Variants in MYO16 observed in about 807,000 individuals in gnomAD.
MYO16 encodes the protein myosin XVI, also known as unconventional myosin-XVI.
MYO16 carries 94 observed loss-of-function variants against 205.3 expected under a neutral mutation model. The observed-to-expected ratio is 0.46, with a 90% CI of 0.39 to 0.54. MYO16 has a LOEUF of 0.54. MYO16 is among the 20% of genes least tolerant of loss of function. The pLI, the probability that MYO16 is intolerant of heterozygous loss-of-function variation, is 0.00. For missense variants in MYO16, 2,315 were observed against 2,387.5 expected (o/e 0.97, Z 0.63); for synonymous variants, 988 against 954.0 (o/e 1.04, Z -0.66).
At chr13:108,625,804 C>G (rs1000727326), upstream of MYO16, among the ~76,000 whole-genome samples, 1 of 152,156 alleles carries the variant, frequency 6.6e-6, no homozygotes, top group Non-Finnish European at 1.5e-5. Flanking sequence ...TAATACGTAC[C>G]TTTCCCAAAT....
Position 108,900,498 on chromosome 13 carries a change from T to C in MYO16, c.1777+2365T>C, listed in dbSNP as rs548596879. 1.5e-3 allele frequency among the ~76,000 whole-genome samples: 228 copies of C among 152,320 alleles called. 1 individual carries two copies. The highest frequency in any genetic ancestry group is 5.3e-3 in the African/African-American group (219 of 41,562). ...ATAAATTGTGAAGATTTCATGGACA[T>C]TTATTAGTTCCCCAAATTAATACTT... On this transcript the variant is annotated intron_variant, in intron 15 of 34. Coordinates refer to ENST00000457511, the MANE Select transcript of MYO16 (RefSeq NM_001198950.3).
chr13:108,679,301 C>T (rs1194325393), intron 2 of MYO16, among the ~76,000 whole-genome samples: 2 of 152,168 alleles, frequency 1.3e-5, no homozygotes, highest in African/African-American at 2.4e-5. Flanking sequence ...TCTCCACTCA[C>T]CCGCTTCCTT....
intron 20 of MYO16, among the ~76,000 whole-genome samples, chr13:108,978,057 G>T: frequency 6.6e-6 from 1 of 150,454 alleles, no homozygotes; most frequent in African/African-American, 2.4e-5. Flanking sequence ...CTTTTTCTAT[G>T]AATCTTTTTT....
chr13:108,517,286 G>A, the MYO16 span, among the ~76,000 whole-genome samples: 1 of 152,164 alleles, frequency 6.6e-6, no homozygotes, highest in African/African-American at 2.4e-5. Context: ...GGATACGTAT[G>A]TGTACATGTG....
chr13:108,788,450 A>C (rs776488739), intron 5 of MYO16, among the ~76,000 whole-genome samples: 2 of 152,212 alleles, frequency 1.3e-5, no homozygotes, highest in African/African-American at 2.4e-5. Flanking sequence ...ATGGAAAGAA[A>C]GCACTGACAG....
At chr13:109,106,002 A>T (rs1889112868) in intron 28 of MYO16, among the ~76,000 whole-genome samples, 1 of 152,220 alleles carries the variant, frequency 6.6e-6, no homozygotes, top group Non-Finnish European at 1.5e-5. Flanking sequence ...GACATATTTT[A>T]AAAACATGGT....
At chr13:109,004,895 T>C (rs1229248751) in intron 21 of MYO16, among the ~76,000 whole-genome samples, 1 of 152,210 alleles carries the variant, frequency 6.6e-6, no homozygotes, top group African/African-American at 2.4e-5. Flanking sequence ...GCCTTTAAAA[T>C]TAAATGTTTT....
chr13:108,918,907 A>G (rs1180370528), intron 16 of MYO16, among the ~76,000 whole-genome samples: 1 of 149,532 alleles, frequency 6.7e-6, no homozygotes, highest in East Asian at 2.0e-4. Context: ...ACACCACTGC[A>G]CTCCAGCCTG....
intron 9 of MYO16, among the ~76,000 whole-genome samples, chr13:108,839,191 TTA>T (rs1202147249): frequency 1.3e-5 from 2 of 152,032 alleles, no homozygotes; most frequent in Non-Finnish European, 2.9e-5. Flanking sequence ...CTTCCTCTTC[TTA>T]TAAAGCCATC....
At chr13:108,838,678 A>T (rs9559421) in intron 9 of MYO16, among the ~76,000 whole-genome samples, 50,302 of 124,522 alleles carry the variant, frequency 0.4, 11,012 homozygotes, top group Non-Finnish European at 0.46. Flanking sequence ...AAAAAAAAAA[A>T]ATATATATAT....
At chr13:109,131,166 T>C (rs1468647194) in intron 31 of MYO16, among the ~76,000 whole-genome samples, 1 of 152,224 alleles carries the variant, frequency 6.6e-6, no homozygotes, top group Admixed American at 6.5e-5. Flanking sequence ...GTTTTGTACC[T>C]GAGCCATCCT....
chr13:108,934,813 AG>A (rs1432347145), intron 16 of MYO16, among the ~76,000 whole-genome samples: 1 of 152,174 alleles, frequency 6.6e-6, no homozygotes, highest in African/African-American at 2.4e-5. Flanking sequence ...GGTGAAAGAT[AG>A]GGGTCCATTG....
At chr13:108,619,729 C>T (rs142143313) in intron 1 of MYO16, among the ~76,000 whole-genome samples, 1 of 152,242 alleles carries the variant, frequency 6.6e-6, no homozygotes, top group Admixed American at 6.5e-5. Context: ...TCATTTTACA[C>T]AACCCCTTCC....
chr13:108,529,436 T>C, the MYO16 span, among the ~76,000 whole-genome samples: 1 of 152,208 alleles, frequency 6.6e-6, no homozygotes, highest in Non-Finnish European at 1.5e-5. Flanking sequence ...GTGGTCTCTT[T>C]TGAAAGCACA....
intron 20 of MYO16, among the ~76,000 whole-genome samples, chr13:108,989,536 G>A (rs939529361): frequency 6.6e-6 from 1 of 152,008 alleles, no homozygotes; most frequent in African/African-American, 2.4e-5. Context: ...TAGGGTTCAT[G>A]CTATTTAATT....
intron 14 of MYO16, among the ~76,000 whole-genome samples, chr13:108,891,655 C>T (rs1031316249): frequency 2.0e-5 from 3 of 152,180 alleles, no homozygotes; most frequent in Non-Finnish European, 1.5e-5. Context: ...GAAATTTCCA[C>T]GGAGGTGCCT....
At chr13:108,629,964 A>G (rs1446915497) in intron 1 of MYO16, 92 bp downstream of exon 1, 1 of 1,093,680 alleles carries the variant, frequency 9.1e-7, no homozygotes, top group East Asian at 2.6e-5. Context: ...TTCTCCTGGT[A>G]TACCACATTC....
chr13:108,610,636 A>T (rs74696122), intron 1 of MYO16, among the ~76,000 whole-genome samples: 212 of 152,326 alleles, frequency 1.4e-3, no homozygotes, highest in Non-Finnish European at 2.4e-3. Flanking sequence ...GTTCAGCCAC[A>T]TTCACGCTGC....
the MYO16 span, among the ~76,000 whole-genome samples, chr13:108,564,744 A>G: frequency 6.6e-6 from 1 of 152,060 alleles, no homozygotes; most frequent in African/African-American, 2.4e-5. Flanking sequence ...TGTCCTAGAG[A>G]GTTTCCCCAG....
Sources: allele counts gnomAD v4.1 joint callset (sites outside exome capture counted in the v4.1 genomes callset), GRCh38; gene constraint gnomAD v4.1.1; transcripts MANE v1.5; gene names NCBI Gene and HGNC (gene_info 2026-07-23, HGNC 2026-07-21).